EFR3B: variants seen among roughly 807,000 people sequenced by gnomAD.
The protein encoded by EFR3B is protein EFR3 homolog B.
In EFR3B, 64 loss-of-function variants were observed where a neutral mutation model predicts 104.7. The observed-to-expected ratio is 0.61, with a 90% CI of 0.50 to 0.75. EFR3B has a LOEUF of 0.75. Among genes scored for constraint, EFR3B ranks in the 30% least tolerant of loss-of-function variants. EFR3B has a pLI of 0.00. For missense variants in EFR3B, 750 were observed against 1,078.5 expected, an observed-to-expected ratio of 0.70 and a Z score of 4.27; for synonymous variants, 385 against 417.9, an observed-to-expected ratio of 0.92 and a Z score of 0.96.
At chr2:25,081,519 T>C in intron 1 of EFR3B, 1 of 1,214,994 alleles carries the variant, frequency 8.2e-7, no homozygotes. Flanking sequence ...TACTCATGTA[T>C]TCATGTAGTG....
chr2:25,111,508 G>A (rs572448975), intron 4 of EFR3B, among the ~76,000 whole-genome samples: 1 of 152,286 alleles, frequency 6.6e-6, no homozygotes, highest in South Asian at 2.1e-4. Flanking sequence ...AGTTTCTGTG[G>A]TAGGCTGAAT....
chr2:25,132,816 C>A, intron 10 of EFR3B, 87 bp from the exon 11 acceptor site: 4 of 1,090,680 alleles, frequency 3.7e-6, no homozygotes, highest in Non-Finnish European at 5.4e-6. Context: ...AGAGAGGCAG[C>A]CCTCGCTCTC....
chr2:25,131,871 C>A lies in EFR3B; in HGVS notation c.1107C>A (p.His369Gln), dbSNP rs1263636513. ...TCGGCACCAAGATCATCAAGGAGCA[C>A]GAGGAGCGCATGTTCCAGGAGGCCG... ...VSLGTKIIKEHEERMFQEAVI... is the reference protein window; with the variant it reads ...VSLGTKIIKEQEERMFQEAVI... Residue 369 changes from histidine to glutamine, a missense_variant, in exon 10 of 23, where the codon CAC (histidine) becomes CAA (glutamine). His to Gln is a conservative substitution (Grantham distance 24, BLOSUM62 0). Coordinates refer to ENST00000403714, the MANE Select transcript of EFR3B (RefSeq NM_014971.2). The surrounding 1 kb of genome is among the most constrained non-coding windows in gnomAD (Gnocchi z 7.6). 4 of 1,545,808 alleles carry A rather than the reference C, an allele frequency of 2.6e-6. No homozygotes were observed. In the African/African-American group the frequency reaches 5.5e-5, roughly 21 times the overall value.
chr2:25,124,331 T>TGTGA (rs1159666538), intron 5 of EFR3B, among the ~76,000 whole-genome samples: 3 of 131,496 alleles, frequency 2.3e-5, no homozygotes, highest in Middle Eastern at 4.1e-3. Flanking sequence ...TGTGTGTGTG[T>TGTGA]GATTCCTCAG....
intron 18 of EFR3B, 125 bp downstream of exon 18, chr2:25,143,987 G>A: frequency 2.3e-6 from 3 of 1,331,512 alleles, no homozygotes; most frequent in Non-Finnish European, 3.0e-6. Flanking sequence ...CGTGAGAGCT[G>A]AAAGACACAG....
chr2:25,121,824 TCAGCTTA>T, intron 5 of EFR3B, 30 bp downstream of exon 5: 1 of 1,551,654 alleles, frequency 6.4e-7, no homozygotes, highest in African/African-American at 1.4e-5. Flanking sequence ...GGTAGTTGGT[TCAGCTTA>T]CAGCAGAAGC....
rs116293931 is a variant in EFR3B, at chr2:25,104,540, G to A, written c.363+753G>A. 1.4e-3 allele frequency among the ~76,000 whole-genome samples: 216 copies of A among 152,260 alleles called. 1 individual carries two copies. The highest frequency in any genetic ancestry group is 5.1e-3 in the African/African-American group (210 of 41,534). Reference sequence around the variant, plus strand: ...GGGGCCCCCAATAGATATAAAAATCGATGGAAACAGAGGCTTTCTTTTGAG... The same window carrying A: ...GGGGCCCCCAATAGATATAAAAATCAATGGAAACAGAGGCTTTCTTTTGAG... On this transcript the variant is annotated intron_variant, in intron 4 of 22. Coordinates refer to ENST00000403714, the MANE Select transcript of EFR3B (RefSeq NM_014971.2).
At chr2:25,105,718 A>G (rs1376594028) in intron 4 of EFR3B, among the ~76,000 whole-genome samples, 1 of 152,228 alleles carries the variant, frequency 6.6e-6, no homozygotes, top group East Asian at 1.9e-4. Flanking sequence ...ACAGCCTAGA[A>G]GAGAACATCT....
chr2:25,105,912 GCTGA>G (rs1669548998), intron 4 of EFR3B, among the ~76,000 whole-genome samples: 1 of 152,228 alleles, frequency 6.6e-6, no homozygotes, highest in Non-Finnish European at 1.5e-5. Flanking sequence ...CAGAGAGCAA[GCTGA>G]CTAATGATTG....
intron 1 of EFR3B, among the ~76,000 whole-genome samples, chr2:25,077,989 T>C (rs1351586987): frequency 6.6e-6 from 1 of 152,224 alleles, no homozygotes; most frequent in East Asian, 1.9e-4. Flanking sequence ...ATCTCACCTC[T>C]TCCAGGAAGC....
intron 1 of EFR3B, among the ~76,000 whole-genome samples, chr2:25,070,271 A>T (rs1668459540): frequency 6.6e-6 from 1 of 151,474 alleles, no homozygotes. Context: ...TTATTTATTT[A>T]TTTACTTTGA....
intron 1 of EFR3B, among the ~76,000 whole-genome samples, chr2:25,071,023 C>T (rs1437025941): frequency 3.3e-5 from 5 of 152,102 alleles, no homozygotes; most frequent in African/African-American, 9.7e-5. Context: ...TGCACTGGTG[C>T]GATCTGGGCT....
rs1238099990 is a variant in EFR3B at position 25,131,326 on chromosome 2, C to T, written c.850-42C>T. ...AGAGGGCTGCGCAGCCCAGGGACCC[C>T]GTGGGGTTGCTGTCCAGGCCCAGCT... On this transcript the variant is annotated intron_variant, in intron 8 of 22. Coordinates refer to ENST00000403714, the MANE Select transcript of EFR3B (RefSeq NM_014971.2). The surrounding 1 kb of genome is among the most constrained non-coding windows in gnomAD (Gnocchi z 7.6). The T allele has an allele frequency of 3.9e-6, 6 of 1,541,822 alleles. No homozygotes were observed. Among genetic ancestry groups the T allele is most frequent in the Non-Finnish European group, 4.4e-6 (5 of 1,140,982 alleles).
At chr2:25,096,753 C>T (rs1319613641) in intron 3 of EFR3B, among the ~76,000 whole-genome samples, 4 of 152,210 alleles carry the variant, frequency 2.6e-5, no homozygotes, top group Non-Finnish European at 4.4e-5. Context: ...GCCCCTTCCT[C>T]CTGGCAGGAG....
intron 1 of EFR3B, among the ~76,000 whole-genome samples, chr2:25,063,940 C>T (rs1374839606): frequency 1.3e-5 from 2 of 152,150 alleles, no homozygotes; most frequent in South Asian, 2.1e-4. Flanking sequence ...CTTCCTACCT[C>T]GTGCAGGTGT....
intron 1 of EFR3B, among the ~76,000 whole-genome samples, chr2:25,074,193 T>A (rs2149176120): frequency 6.6e-6 from 1 of 152,276 alleles, no homozygotes; most frequent in East Asian, 1.9e-4. Context: ...TCTGGCATGA[T>A]GCTGGGATGC....
chr2:25,139,953 A>C (rs1233882554), intron 16 of EFR3B, among the ~76,000 whole-genome samples: 1 of 152,198 alleles, frequency 6.6e-6, no homozygotes, highest in Non-Finnish European at 1.5e-5. Context: ...TGTTGCATAA[A>C]GATCTTTTAA....
At chr2:25,063,259 T>A (rs2149170510) in intron 1 of EFR3B, among the ~76,000 whole-genome samples, 1 of 152,272 alleles carries the variant, frequency 6.6e-6, no homozygotes, top group South Asian at 2.1e-4. Flanking sequence ...ATTTTTCCAT[T>A]TCCTCCTTGG....
intron 1 of EFR3B, among the ~76,000 whole-genome samples, chr2:25,078,720 T>C (rs1264734556): frequency 2.0e-5 from 3 of 152,116 alleles, no homozygotes; most frequent in Non-Finnish European, 4.4e-5. Context: ...TGGGAGAAGA[T>C]TATATAAGGT....
Sources: gnomAD v4.1 joint callset for allele counts (sites outside exome capture counted in the v4.1 genomes callset) on GRCh38, gnomAD v4.1.1 for gene constraint, Gnocchi (gnomAD v3.1) non-coding constraint, MANE v1.5 for transcripts, NCBI Gene and HGNC (gene_info 2026-07-23, HGNC 2026-07-21) for gene names.